ANKFN1: variants seen among roughly 807,000 people sequenced by gnomAD.
The protein encoded by ANKFN1 is ankyrin repeat and fibronectin type III domain containing 1.
ANKFN1 carries 74 observed loss-of-function variants against 108.7 expected under a neutral mutation model. The ratio of observed to expected loss-of-function variants is 0.68; its 90% CI spans 0.56 to 0.83. ANKFN1 has a LOEUF of 0.83. Among genes scored for constraint, ANKFN1 ranks in the 40% least tolerant of loss-of-function variants. The probability of loss-of-function intolerance (pLI) is 0.00; values close to 1 mark genes in which losing one functional copy is unlikely to be tolerated. For missense variants in ANKFN1, 1,505 were observed against 1,382.3 expected (o/e 1.09, Z -1.41); for synonymous variants, 547 against 516.2 (o/e 1.06, Z -0.81).
chr17:56,125,175 C>T (rs1314536632), intron 4 of ANKFN1, among the ~76,000 whole-genome samples: 1 of 152,218 alleles, frequency 6.6e-6, no homozygotes, highest in Non-Finnish European at 1.5e-5. Context: ...TAGGAATTGA[C>T]ACTTTTGACC....
At chr17:56,317,557 A>G (rs1286157132) in intron 3 of ANKFN1, among the ~76,000 whole-genome samples, 1 of 152,184 alleles carries the variant, frequency 6.6e-6, no homozygotes, top group Non-Finnish European at 1.5e-5. Context: ...ACAGAAGGGG[A>G]GAGACTCCAG....
chr17:56,291,845 G>C lies in ANKFN1; in HGVS notation c.54-34376G>C, dbSNP rs142766120. On this transcript the variant is annotated intron_variant, in intron 3 of 20. Coordinates refer to ENST00000682825, the MANE Select transcript of ANKFN1 (RefSeq NM_001370326.1). ...AGTATCTTTTTAGCACCAAATACTT[G>C]CCTCACAAATAAATTGTCAAATGAC... Among the ~76,000 whole-genome samples, 141 of 152,252 alleles carry C rather than the reference G, an allele frequency of 9.3e-4. 2 individuals carry two copies. The highest frequency in any genetic ancestry group is 3.3e-3 in the African/African-American group (136 of 41,556).
At chr17:56,122,086 C>T (rs900830518) in intron 4 of ANKFN1, among the ~76,000 whole-genome samples, 2 of 152,164 alleles carry the variant, frequency 1.3e-5, no homozygotes, top group African/African-American at 4.8e-5. Context: ...TGAAACTTGG[C>T]ATAGGAGGAA....
At chr17:56,453,310 A>C (rs1598634657) in intron 11 of ANKFN1, among the ~76,000 whole-genome samples, 1 of 151,998 alleles carries the variant, frequency 6.6e-6, no homozygotes, top group South Asian at 2.1e-4. Flanking sequence ...TTTACATTAT[A>C]ATGATAAATT....
intron 8 of ANKFN1, among the ~76,000 whole-genome samples, chr17:56,434,297 A>G (rs1483660849): frequency 6.6e-6 from 1 of 151,992 alleles, no homozygotes; most frequent in Non-Finnish European, 1.5e-5. Flanking sequence ...ACCTGCCAAT[A>G]AATAAGTGAA....
chr17:56,353,774 G>T (rs1321980625), intron 5 of ANKFN1, 62 bp from the exon 6 acceptor site: 2 of 1,478,494 alleles, frequency 1.4e-6, no homozygotes, highest in African/African-American at 2.8e-5. Context: ...CTTCAAAAGA[G>T]CTAAGCTACA....
intron 8 of ANKFN1, among the ~76,000 whole-genome samples, chr17:56,424,476 G>A (rs2048496681): frequency 6.6e-6 from 1 of 152,162 alleles, no homozygotes; most frequent in African/African-American, 2.4e-5. Flanking sequence ...TGGTTGTTGT[G>A]AAAATCAAAG....
chr17:56,173,349 C>T (rs1393443871), intron 1 of ANKFN1, among the ~76,000 whole-genome samples: 1 of 152,172 alleles, frequency 6.6e-6, no homozygotes, highest in Non-Finnish European at 1.5e-5. Flanking sequence ...CTTTCACCAC[C>T]ATATTCAAGT....
At chr17:56,144,181 A>ACTC (rs1567802699) in intron 4 of ANKFN1, among the ~76,000 whole-genome samples, 1 of 68,378 alleles carries the variant, frequency 1.5e-5, no homozygotes, top group African/African-American at 5.6e-5. Flanking sequence ...AAAAAAAAAA[A>ACTC]AAAACAGCCC....
intron 3 of ANKFN1, among the ~76,000 whole-genome samples, chr17:56,229,519 T>C (rs190651239): frequency 2.6e-5 from 4 of 152,020 alleles, no homozygotes; most frequent in African/African-American, 9.6e-5. Context: ...AGATACTTGG[T>C]ATATATTAAT....
intron 18 of ANKFN1, among the ~76,000 whole-genome samples, chr17:56,482,848 G>A (rs2050754584): frequency 6.6e-6 from 1 of 151,976 alleles, no homozygotes; most frequent in Non-Finnish European, 1.5e-5. Flanking sequence ...TTCATGAAAA[G>A]CACTGCCCCT....
intron 8 of ANKFN1, among the ~76,000 whole-genome samples, chr17:56,386,022 G>A (rs961444433): frequency 3.6e-4 from 55 of 152,126 alleles, no homozygotes; most frequent in African/African-American, 1.2e-3. Context: ...ACATGCACGC[G>A]TATGTTTATT....
intron 3 of ANKFN1, among the ~76,000 whole-genome samples, chr17:56,262,926 C>T (rs1192303196): frequency 6.6e-6 from 1 of 152,142 alleles, no homozygotes; most frequent in African/African-American, 2.4e-5. Context: ...TTGTCAAGCA[C>T]CATTGTTAAG....
chr17:56,390,550 G>T (rs555046619), intron 8 of ANKFN1, among the ~76,000 whole-genome samples: 1 of 152,210 alleles, frequency 6.6e-6, no homozygotes, highest in South Asian at 2.1e-4. Flanking sequence ...ATAATCTTTT[G>T]GGTATATACC....
chr17:56,299,659 A>G (rs2044617832), intron 3 of ANKFN1, among the ~76,000 whole-genome samples: 1 of 152,078 alleles, frequency 6.6e-6, no homozygotes, highest in Non-Finnish European at 1.5e-5. Flanking sequence ...AAATTCCTCT[A>G]TGTCTCCCTC....
At chr17:56,252,789 G>A (rs1396115145) in intron 3 of ANKFN1, among the ~76,000 whole-genome samples, 1 of 151,126 alleles carries the variant, frequency 6.6e-6, no homozygotes, top group East Asian at 2.0e-4. Context: ...ACCAGGTATG[G>A]TGGCTCACAC....
intron 4 of ANKFN1, among the ~76,000 whole-genome samples, chr17:56,138,487 A>G (rs1191716509): frequency 6.6e-6 from 1 of 151,418 alleles, no homozygotes. Context: ...TAGTAGGAAG[A>G]AAACTCAACA....
At chr17:56,446,653 C>T (rs561974462) in intron 10 of ANKFN1, among the ~76,000 whole-genome samples, 24 of 152,238 alleles carry the variant, frequency 1.6e-4, no homozygotes, top group African/African-American at 5.1e-4. Context: ...CTCTGTAATC[C>T]CAGTACTTTG....
At chr17:56,062,274 C>T (rs1904987385) in intron 4 of ANKFN1, among the ~76,000 whole-genome samples, 1 of 152,094 alleles carries the variant, frequency 6.6e-6, no homozygotes, top group Non-Finnish European at 1.5e-5. Context: ...GAGTTCAAGT[C>T]CCAAATATCC....
Sources: gnomAD v4.1 joint callset for allele counts (sites outside exome capture counted in the v4.1 genomes callset) on GRCh38, gnomAD v4.1.1 for gene constraint, MANE v1.5 for transcripts, NCBI Gene and HGNC (gene_info 2026-07-23, HGNC 2026-07-21) for gene names.